FHAD1: variants seen among roughly 807,000 people sequenced by gnomAD.
The protein encoded by FHAD1 is forkhead associated phosphopeptide binding domain 1.
In FHAD1, 146 loss-of-function variants were observed where a neutral mutation model predicts 191.3. That is an observed-to-expected ratio of 0.76 (90% CI 0.67 to 0.88). The LOEUF (loss-of-function observed/expected upper bound fraction) is 0.88, where lower values mean the gene tolerates loss of function less well. FHAD1 is among the 40% of genes least tolerant of loss of function. FHAD1 has a pLI of 0.00. For missense variants in FHAD1, 1,635 were observed against 1,785.8 expected (o/e 0.92, Z 1.52); for synonymous variants, 616 against 672.3 (o/e 0.92, Z 1.29).
chr1:15,343,443 C>T (rs1372467328), intron 16 of FHAD1, among the ~76,000 whole-genome samples: 1 of 151,688 alleles, frequency 6.6e-6, no homozygotes, highest in Non-Finnish European at 1.5e-5. Flanking sequence ...AGTACTGGAC[C>T]TGCCCCCTTC....
At chr1:15,342,151 C>T (rs1303748086) in intron 16 of FHAD1, among the ~76,000 whole-genome samples, 1 of 152,166 alleles carries the variant, frequency 6.6e-6, no homozygotes, top group African/African-American at 2.4e-5. Flanking sequence ...GTATTGCAGT[C>T]GGCTTTATGA....
chr1:15,318,173 T>C lies in FHAD1; in HGVS notation c.1365+245T>C, dbSNP rs1675078218. ...ACTACTCCTCACTGCCTTCTAAAAC[T>C]GTTTCTTGCTTTTTGGTAATGAGAC... On this transcript the variant is annotated intron_variant, in intron 10 of 33. Coordinates refer to ENST00000688493, the MANE Select transcript of FHAD1 (RefSeq NM_001391957.1). This position sits in a 1 kb window ranked among gnomAD's most constrained non-coding sequence, Gnocchi z 4.1. Among the ~76,000 whole-genome samples, 1 of 152,172 alleles carries C rather than the reference T, an allele frequency of 6.6e-6. No homozygotes were observed. The highest frequency in any genetic ancestry group is 2.4e-5 in the African/African-American group (1 of 41,430).
intron 21 of FHAD1, 52 bp downstream of exon 21, chr1:15,358,335 A>G: frequency 6.7e-7 from 1 of 1,489,596 alleles, no homozygotes; most frequent in Non-Finnish European, 9.0e-7. Context: ...ATGGAAGATT[A>G]CAGTGCCACG....
chr1:15,383,998 A>ATGTG (rs757780252), intron 31 of FHAD1: 2 of 210,786 alleles, frequency 9.5e-6, no homozygotes, highest in African/African-American at 1.1e-4. Context: ...GTACATTCTC[A>ATGTG]TGTGTGTGTG....
intron 3 of FHAD1, among the ~76,000 whole-genome samples, chr1:15,275,841 G>C (rs1357786208): frequency 6.6e-6 from 1 of 152,160 alleles, no homozygotes; most frequent in Non-Finnish European, 1.5e-5. Flanking sequence ...CCGCGGTAGA[G>C]TTTTCAAGGA....
intron 26 of FHAD1, among the ~76,000 whole-genome samples, chr1:15,373,592 C>T (rs1004698958): frequency 6.6e-6 from 1 of 152,082 alleles, no homozygotes; most frequent in African/African-American, 2.4e-5. Context: ...GTAGCTCATG[C>T]CTGTAATCCC....
chr1:15,374,848 G>A (rs536687887), intron 27 of FHAD1, among the ~76,000 whole-genome samples: 8 of 107,638 alleles, frequency 7.4e-5, no homozygotes, highest in Middle Eastern at 4.9e-3. Flanking sequence ...ACTATTGTAC[G>A]TTTTTTTTTT....
chr1:15,288,365 C>T (rs370068319), intron 3 of FHAD1, among the ~76,000 whole-genome samples: 31 of 152,374 alleles, frequency 2.0e-4, no homozygotes, highest in African/African-American at 6.5e-4. Flanking sequence ...TGCTCATCCA[C>T]GGTTAGATGG....
chr1:15,283,163 A>G (rs1345549216), intron 3 of FHAD1, among the ~76,000 whole-genome samples: 1 of 152,266 alleles, frequency 6.6e-6, no homozygotes, highest in African/African-American at 2.4e-5. Flanking sequence ...TAGTTGGGTC[A>G]TTGCCATGGA....
intron 26 of FHAD1, among the ~76,000 whole-genome samples, chr1:15,371,922 T>C (rs80252798): frequency 0.034 from 5,254 of 152,300 alleles, 117 homozygotes; most frequent in East Asian, 0.077. Flanking sequence ...TCTGACAGGC[T>C]CTGTATTTAT....
At chr1:15,326,230 T>C (rs951899963) in intron 11 of FHAD1, 1 of 152,238 alleles carries the variant, frequency 6.6e-6, no homozygotes, top group Non-Finnish European at 1.5e-5. Context: ...TTTGGAGTAT[T>C]TAATAACCAC....
intron 3 of FHAD1, among the ~76,000 whole-genome samples, chr1:15,274,057 T>C (rs74440365): frequency 0.15 from 22,149 of 152,234 alleles, 1,834 homozygotes; most frequent in Middle Eastern, 0.21. Context: ...ATCCATGTTG[T>C]AGCATGCGTC....
chr1:15,363,685 G>C, intron 23 of FHAD1: 1 of 453,216 alleles, frequency 2.2e-6, no homozygotes, highest in Non-Finnish European at 4.4e-6. Context: ...GAAGTTAAGG[G>C]GTCGGCTAAG....
chr1:15,380,671 G>T, intron 28 of FHAD1, 30 bp from the exon 29 acceptor site: 1 of 1,511,166 alleles, frequency 6.6e-7, no homozygotes, highest in Non-Finnish European at 9.0e-7. Flanking sequence ...GGAATGTCAA[G>T]AGAGGCCTTT....
At chr1:15,378,576 G>A (rs736185) in intron 28 of FHAD1, among the ~76,000 whole-genome samples, 15,561 of 152,220 alleles carry the variant, frequency 0.1, 1,016 homozygotes, top group South Asian at 0.22. Context: ...GAGACACCAA[G>A]CTGCGTTTTA....
At chr1:15,355,664 A>C (rs1570105025) in intron 20 of FHAD1, among the ~76,000 whole-genome samples, 1 of 152,034 alleles carries the variant, frequency 6.6e-6, no homozygotes, top group South Asian at 2.1e-4. Flanking sequence ...GTGACAAGCT[A>C]CTCCGTGGCA....
At chr1:15,281,817 T>G (rs1441608848) in intron 3 of FHAD1, among the ~76,000 whole-genome samples, 1 of 146,224 alleles carries the variant, frequency 6.8e-6, no homozygotes, top group Non-Finnish European at 1.5e-5. Flanking sequence ...TGATTAAGAC[T>G]CAGCTCCACC....
downstream of FHAD1, among the ~76,000 whole-genome samples, chr1:15,398,702 G>A (rs372844692): frequency 1.5e-4 from 23 of 151,104 alleles, 1 homozygote; most frequent in African/African-American, 4.6e-4. Context: ...CATTTTCCTT[G>A]CTGCACTCTC....
At chr1:15,401,989 G>A (rs1707138970), downstream of FHAD1, among the ~76,000 whole-genome samples, 1 of 152,188 alleles carries the variant, frequency 6.6e-6, no homozygotes, top group South Asian at 2.1e-4. Flanking sequence ...CCGTCCAGTT[G>A]GGGGAAGCAT....
Sources: gnomAD v4.1 joint callset for allele counts (sites outside exome capture counted in the v4.1 genomes callset) on GRCh38, gnomAD v4.1.1 for gene constraint, Gnocchi (gnomAD v3.1) non-coding constraint, MANE v1.5 for transcripts, NCBI Gene and HGNC (gene_info 2026-07-23, HGNC 2026-07-21) for gene names.